Variants in CTNND2 observed in about 807,000 individuals in gnomAD.
CTNND2 encodes catenin delta-2.
In CTNND2, 22 loss-of-function variants were observed where a neutral mutation model predicts 144.4. The observed-to-expected ratio is 0.15, with a 90% CI of 0.11 to 0.22. The LOEUF (loss-of-function observed/expected upper bound fraction) is 0.22, where lower values mean the gene tolerates loss of function less well. Ranked by LOEUF, CTNND2 falls within the 10% of genes least tolerant of loss-of-function variation. The probability of loss-of-function intolerance (pLI) is 1.00; values close to 1 mark genes in which losing one functional copy is unlikely to be tolerated. For synonymous variants in CTNND2, 751 were observed against 695.6 expected, an observed-to-expected ratio of 1.08 and a Z score of -1.25; for missense variants, 1,353 against 1,618.8, an observed-to-expected ratio of 0.84 and a Z score of 2.82.
chr5:11,696,544 T>A (rs985566521), intron 2 of CTNND2, among the ~76,000 whole-genome samples: 6 of 152,218 alleles, frequency 3.9e-5, no homozygotes, highest in African/African-American at 1.4e-4. Context: ...TAATTTTATA[T>A]CTGATCAACA....
At chr5:11,789,666 T>C (rs1308349223) in intron 1 of CTNND2, among the ~76,000 whole-genome samples, 5 of 152,172 alleles carry the variant, frequency 3.3e-5, no homozygotes, top group African/African-American at 4.8e-5. Context: ...ATATAGACTA[T>C]AAAGTCTACA....
chr5:11,653,483 T>C (rs1046606955), intron 2 of CTNND2, among the ~76,000 whole-genome samples: 2 of 152,134 alleles, frequency 1.3e-5, no homozygotes, highest in African/African-American at 2.4e-5. Context: ...TCCCTGATGA[T>C]TAGTGTTATT....
At chr5:11,518,319 T>C (rs1772379986) in intron 3 of CTNND2, among the ~76,000 whole-genome samples, 1 of 152,160 alleles carries the variant, frequency 6.6e-6, no homozygotes, top group African/African-American at 2.4e-5. Context: ...GAAATATTTT[T>C]GTACAGCTGT....
chr5:10,975,924 A>C (rs1476303117), intron 21 of CTNND2, among the ~76,000 whole-genome samples: 1 of 152,196 alleles, frequency 6.6e-6, no homozygotes, highest in Non-Finnish European at 1.5e-5. Context: ...TGGTTGGTGA[A>C]CATTTGGGAG....
chr5:11,499,949 A>G (rs991562685), intron 3 of CTNND2, among the ~76,000 whole-genome samples: 3 of 152,098 alleles, frequency 2.0e-5, no homozygotes, highest in African/African-American at 7.2e-5. Context: ...CATCCCATGC[A>G]TGCCCTAAAA....
At chr5:11,628,617 G>A (rs921963073) in intron 2 of CTNND2, among the ~76,000 whole-genome samples, 1 of 152,230 alleles carries the variant, frequency 6.6e-6, no homozygotes, top group Non-Finnish European at 1.5e-5. Context: ...AAGCCGTCTG[G>A]GAGTTACTTG....
intron 2 of CTNND2, among the ~76,000 whole-genome samples, chr5:11,601,510 AC>A (rs1309691696): frequency 6.6e-6 from 1 of 151,624 alleles, no homozygotes; most frequent in Non-Finnish European, 1.5e-5. Flanking sequence ...CTATTTGAAA[AC>A]CCTTAATCAT....
intron 10 of CTNND2, among the ~76,000 whole-genome samples, chr5:11,201,568 G>C (rs1272445112): frequency 6.6e-6 from 1 of 152,186 alleles, no homozygotes; most frequent in Non-Finnish European, 1.5e-5. Flanking sequence ...ATCAGCAAAT[G>C]AAAGCAGAAA....
At chr5:11,225,364 A>T (rs1022779024) in intron 10 of CTNND2, among the ~76,000 whole-genome samples, 2 of 152,204 alleles carry the variant, frequency 1.3e-5, no homozygotes, top group African/African-American at 4.8e-5. Context: ...TTCCTGAATT[A>T]TAATTCCTAA....
chr5:11,668,844 G>C (rs80231848), intron 2 of CTNND2, among the ~76,000 whole-genome samples: 1 of 152,058 alleles, frequency 6.6e-6, no homozygotes, highest in African/African-American at 2.4e-5. Flanking sequence ...TCTTGTGCTG[G>C]TTTTCTAAGG....
intron 11 of CTNND2, among the ~76,000 whole-genome samples, chr5:11,167,696 C>CTTTTT (rs34347219): frequency 7.3e-6 from 1 of 137,852 alleles, no homozygotes. Flanking sequence ...GTCATATTCA[C>CTTTTT]TTTTTTTTTT....
intron 20 of CTNND2, among the ~76,000 whole-genome samples, chr5:10,982,678 A>G (rs1477148393): frequency 6.6e-6 from 1 of 152,246 alleles, no homozygotes; most frequent in Non-Finnish European, 1.5e-5. Flanking sequence ...AAATCAGTGT[A>G]TCAAAAGATA....
chr5:11,050,606 T>C (rs536452580), intron 16 of CTNND2, among the ~76,000 whole-genome samples: 1 of 152,262 alleles, frequency 6.6e-6, no homozygotes, highest in Non-Finnish European at 1.5e-5. Flanking sequence ...GGTCAGACAA[T>C]GCATAAAAAC....
chr5:11,067,663 C>T (rs1346026314), intron 16 of CTNND2, among the ~76,000 whole-genome samples: 1 of 152,188 alleles, frequency 6.6e-6, no homozygotes, highest in Non-Finnish European at 1.5e-5. Flanking sequence ...GAAACCCTGC[C>T]CTCATTGAAG....
At chr5:11,290,835 C>T (rs987266251) in intron 9 of CTNND2, among the ~76,000 whole-genome samples, 6 of 152,200 alleles carry the variant, frequency 3.9e-5, no homozygotes, top group East Asian at 3.9e-4. Flanking sequence ...AAGTAACCTT[C>T]GTTGTTTATT....
intron 19 of CTNND2, among the ~76,000 whole-genome samples, chr5:10,989,821 C>A (rs1738463307): frequency 1.3e-5 from 2 of 152,192 alleles, no homozygotes; most frequent in African/African-American, 4.8e-5. Context: ...GGCAGAAGTG[C>A]CCAACAGACG....
At chr5:11,314,899 T>C (rs1263916737) in intron 9 of CTNND2, among the ~76,000 whole-genome samples, 5 of 152,206 alleles carry the variant, frequency 3.3e-5, no homozygotes, top group Non-Finnish European at 7.3e-5. Flanking sequence ...CCAGTTATTG[T>C]TGAATTTCAG....
At chr5:11,541,965 TA>T (rs1228884197) in intron 3 of CTNND2, among the ~76,000 whole-genome samples, 1 of 151,198 alleles carries the variant, frequency 6.6e-6, no homozygotes, top group African/African-American at 2.4e-5. Flanking sequence ...CAGACCACTA[TA>T]ATATCTAAAG....
chr5:11,103,425 C>G (rs2149673980), intron 14 of CTNND2, among the ~76,000 whole-genome samples: 1 of 152,062 alleles, frequency 6.6e-6, no homozygotes, highest in Admixed American at 6.5e-5. Flanking sequence ...AATCCGAGCA[C>G]TTTGGGAGGC....
Sources: allele counts gnomAD v4.1 joint callset (sites outside exome capture counted in the v4.1 genomes callset), GRCh38; gene constraint gnomAD v4.1.1; transcripts MANE v1.5; gene names NCBI Gene and HGNC (gene_info 2026-07-23, HGNC 2026-07-21).